HOXB9: variants seen among roughly 807,000 people sequenced by gnomAD.
The protein encoded by HOXB9 is homeobox protein Hox-B9.
A neutral mutation model predicts 21.5 loss-of-function variants in HOXB9; 10 were observed. That is an observed-to-expected ratio of 0.47 (90% CI 0.29 to 0.79). The LOEUF (loss-of-function observed/expected upper bound fraction) is 0.79. HOXB9 is among the 30% of genes least tolerant of loss of function. The pLI, the probability that HOXB9 is intolerant of heterozygous loss-of-function variation, is 0.10. For synonymous variants in HOXB9, 156 were observed against 151.2 expected (o/e 1.03, Z -0.23); for missense variants, 375 against 338.7 (o/e 1.11, Z -0.84).
chr17:48,625,983 C>G lies in HOXB9; in HGVS notation c.287G>C (p.Arg96Pro). ...GCGCGGCGCCGGCTCCAGCCAGGTG[C>G]GGAGGTACCTGCTCTCGGCCGGCGG... ...GVPPAESRYLRTWLEPAPRGE... is the reference protein window; with the variant it reads ...GVPPAESRYLPTWLEPAPRGE... The change falls in exon 1 of 2, where the codon CGC (arginine) becomes CCC (proline). Residue 96 changes from arginine to proline, a missense_variant. Physicochemically the swap from Arg to Pro is moderately radical, Grantham distance 103 (BLOSUM62 -2). Coordinates refer to ENST00000311177, the MANE Select transcript of HOXB9 (RefSeq NM_024017.5). 1.3e-6 allele frequency: 2 copies of G among 1,536,842 alleles called. No individual in the cohort carries two copies. Among genetic ancestry groups the G allele is most frequent in the Non-Finnish European group, 1.7e-6 (2 of 1,148,606 alleles).
intron 1 of HOXB9, among the ~76,000 whole-genome samples, chr17:48,624,008 A>G (rs1274070683): frequency 6.6e-6 from 1 of 152,228 alleles, no homozygotes; most frequent in Non-Finnish European, 1.5e-5. Flanking sequence ...AGCCCTTCAC[A>G]GCACACCTAG....
rs1451976479 is a variant in HOXB9, at chr17:48,626,002, C to T, written c.268G>A (p.Ala90Thr). 1 of 1,561,774 alleles carries T rather than the reference C, an allele frequency of 6.4e-7. No individual in the cohort carries two copies. The highest frequency in any genetic ancestry group is 8.6e-7 in the Non-Finnish European group (1 of 1,160,454). The change falls in exon 1 of 2, where the codon GCC becomes ACC. Residue 90 changes from alanine (A) to threonine (T), a missense_variant. Coordinates refer to ENST00000311177, the MANE Select transcript of HOXB9 (RefSeq NM_024017.5). ...CAGGTGCGGAGGTACCTGCTCTCGG[C>T]CGGCGGGACGCCCTGGGGCTGGATG... Reference protein sequence around the residue: ...PYIQPQGVPPAESRYLRTWLE... With the variant: ...PYIQPQGVPPTESRYLRTWLE...
Position 48,623,155 on chromosome 17 carries a change from A to C in HOXB9, c.518-20T>G, listed in dbSNP as rs760301798. On this transcript the variant is annotated intron_variant, in intron 1 of 1. Transcript: ENST00000311177. The stretch of plus-strand genomic sequence containing the variant: ...GGTTGGCTGAAAGAGAAGCAGCGAT[A>C]GAATCAAAGAAAGGAAGGGGGTGAA... The C allele has an allele frequency of 6.3e-7, 1 of 1,595,522 alleles. No individual in the cohort carries two copies. The highest frequency in any genetic ancestry group is 1.1e-5 in the South Asian group (1 of 89,560).
chr17:48,622,576 GGCT>G lies in HOXB9; in HGVS notation c.*321_*323del. 2 of 280,288 alleles carry G rather than the reference GGCT, an allele frequency of 7.1e-6. No homozygotes were observed. Among genetic ancestry groups the G allele is most frequent in the Non-Finnish European group, 1.4e-5 (2 of 146,894 alleles). The allele number at this position is 280,288 out of a possible 1,614,324, so 17.4% of individuals were successfully genotyped here. Reference sequence around the variant, plus strand: ...AGAAACAGGCAAGCTGGAAGTGAGGGGCTAGGACTTCCCAGAAAAATTACAGGG... The same window carrying G: ...AGAAACAGGCAAGCTGGAAGTGAGGGAGGACTTCCCAGAAAAATTACAGGG... On this transcript the variant is annotated 3_prime_UTR_variant, in exon 2 of 2. Coordinates refer to ENST00000311177, the MANE Select transcript of HOXB9 (RefSeq NM_024017.5).
chr17:48,625,378 T>A (rs2145011289), intron 1 of HOXB9, among the ~76,000 whole-genome samples: 1 of 152,240 alleles, frequency 6.6e-6, no homozygotes, highest in South Asian at 2.1e-4. Flanking sequence ...GCTCTCGGCC[T>A]CGCTGGCCGC....
At position 48,625,941 on chromosome 17, in the gene HOXB9, C is replaced by T. The variant is rs1259814693; in HGVS notation, c.329G>A (p.Gly110Glu). Residue 110 changes from glycine to glutamate, a missense_variant, in exon 1 of 2, where the codon GGG (glycine) becomes GAG (glutamate). Gly to Glu is a moderately conservative substitution (Grantham distance 98, BLOSUM62 -2). Coordinates refer to ENST00000311177, the MANE Select transcript of HOXB9 (RefSeq NM_024017.5). ...CGCCTTCACCGCCGCCTGGCCCTGC[C>T]CCGGGGCCGCTTCGCCGCGCGGCGC... ...EPAPRGEAAP[G>E]QGQAAVKAEP... is the part of the protein sequence containing the mutation. 1.3e-6 allele frequency: 2 copies of T among 1,518,084 alleles called. No individual in the cohort carries two copies. Among genetic ancestry groups the T allele is most frequent in the Non-Finnish European group, 1.7e-6 (2 of 1,143,196 alleles). The allele number at this position is 1,518,084 out of a possible 1,614,324, so 94.0% of individuals were successfully genotyped here. A position where few individuals can be genotyped will look rare whatever the true frequency, so the allele number is the denominator to read the frequency against.
chr17:48,626,041 C>G lies in HOXB9; in HGVS notation c.229G>C (p.Val77Leu). 1 of 1,578,326 alleles carries G rather than the reference C, an allele frequency of 6.3e-7. No homozygotes were observed. The highest frequency in any genetic ancestry group is 8.6e-7 in the Non-Finnish European group (1 of 1,169,452). The change falls in exon 1 of 2, where the codon GTC (valine) becomes CTC (leucine). Residue 77 changes from valine to leucine, a missense_variant. By Grantham distance (32) the Val-to-Leu change is conservative (BLOSUM62 1). Coordinates refer to ENST00000311177, the MANE Select transcript of HOXB9 (RefSeq NM_024017.5). ...TGGGGCTGGATGTAAGGGTGGTAGA[C>G]GGACGGCAGGCTCCCGGACGCGTGC... Reference protein sequence around the residue: ...SPHASGSLPSVYHPYIQPQGV... With the variant: ...SPHASGSLPSLYHPYIQPQGV...
At chr17:48,624,000 C>A (rs2070791937) in intron 1 of HOXB9, among the ~76,000 whole-genome samples, 1 of 152,170 alleles carries the variant, frequency 6.6e-6, no homozygotes, top group African/African-American at 2.4e-5. Context: ...TAAAAGGAAG[C>A]CCTTCACAGC....
At position 48,622,869 on chromosome 17, in the gene HOXB9, G is replaced by T; in HGVS notation, c.*31C>A. On this transcript the variant is annotated 3_prime_UTR_variant, in exon 2 of 2. Coordinates refer to ENST00000311177, the MANE Select transcript of HOXB9 (RefSeq NM_024017.5). ...ATAACTAAGAGTGAGATGGGGAAGA[G>T]CTAGGGAGGACTGGGGGTAATCTTT... The T allele has an allele frequency of 6.6e-7, 1 of 1,507,370 alleles. No homozygotes were observed. The highest frequency in any genetic ancestry group is 1.1e-5 in the South Asian group (1 of 88,318). 93.4% of individuals were successfully genotyped at this position (1,507,370 alleles called of 1,614,324 possible). A position where few individuals can be genotyped will look rare whatever the true frequency, so the allele number is the denominator to read the frequency against.
rs535508340 is a variant in HOXB9 at position 48,626,216 on chromosome 17, G to A, written c.54C>T (p.His18=). ...SSYYVDSIIS[H]ESEDAPPAKF... is the part of the protein sequence containing the mutation. ...TGGCTGGAGGCGCGTCCTCACTCTC[G>A]TGACTTATGATCGAGTCGACATAAT... is the stretch of plus-strand genomic sequence containing the variant. The change falls in exon 1 of 2, where the codon CAC becomes CAT. Residue 18 remains histidine (H), a synonymous_variant. Transcript: ENST00000311177. The A allele has an allele frequency of 1.3e-6, 2 of 1,599,090 alleles. No homozygotes were observed. Among genetic ancestry groups the A allele is most frequent in the Non-Finnish European group, 1.7e-6 (2 of 1,179,716 alleles).
chr17:48,626,257 C>T lies in HOXB9; in HGVS notation c.13G>A (p.Gly5Arg). The T allele has an allele frequency of 1.3e-6, 2 of 1,591,828 alleles. No homozygotes were observed. The highest frequency in any genetic ancestry group is 1.3e-5 in the African/African-American group (1 of 74,862). The change falls in exon 1 of 2, where the codon GGG becomes AGG. Residue 5 changes from glycine (G) to arginine (R), a missense_variant. By Grantham distance (125) the Gly-to-Arg change is moderately radical (BLOSUM62 -2). Coordinates refer to ENST00000311177, the MANE Select transcript of HOXB9 (RefSeq NM_024017.5). MSIS[G>R]TLSSYYVDSI... ...TCGACATAATAGCTGCTAAGCGTCC[C>T]AGAAATGGACATTCTCAGACATTAT...
Position 48,622,905 on chromosome 17 carries a change from C to T in HOXB9, c.748G>A (p.Glu250Lys), listed in dbSNP as rs372906875. The change falls in exon 2 of 2, where the codon GAG (glutamate) becomes AAG (lysine). Residue 250 changes from glutamate (E) to lysine (K), a missense_variant. Transcript: ENST00000311177. ...CTGGGGGTAATCTTTAATCTTTACT[C>T]TTTGCCCTGCTCCTTATTCATTTTC... ...MKKMNKEQGK[E>K] 5 of 1,612,122 alleles carry T rather than the reference C, an allele frequency of 3.1e-6. No individual in the cohort carries two copies. The highest frequency in any genetic ancestry group is 4.2e-6 in the Non-Finnish European group (5 of 1,178,334).
rs1467629850 is a variant in HOXB9, at chr17:48,625,878, T to C, written c.392A>G (p.Gln131Arg). 2 of 1,606,218 alleles carry C rather than the reference T, an allele frequency of 1.2e-6. No homozygotes were observed. Among genetic ancestry groups the C allele is most frequent in the Non-Finnish European group, 1.7e-6 (2 of 1,177,364 alleles). ...LLGAPGELLKQGTPEYSLETS... is the reference protein window; with the variant it reads ...LLGAPGELLKRGTPEYSLETS... ...TTCCAAACTGTACTCGGGCGTGCCC[T>C]GTTTGAGCAGCTCCCCAGGCGCGCC... Residue 131 changes from glutamine to arginine, a missense_variant, in exon 1 of 2, where the codon CAG (glutamine) becomes CGG (arginine). Transcript: ENST00000311177.
chr17:48,623,173 G>C (rs376773839), intron 1 of HOXB9, 38 bp from the exon 2 acceptor site: 4 of 1,536,022 alleles, frequency 2.6e-6, no homozygotes, highest in Middle Eastern at 1.7e-4. Flanking sequence ...AGAAAGGAAG[G>C]GGGTGAAGGG....
Position 48,621,356 on chromosome 17 carries a change from C to G in HOXB9, c.*1544G>C, listed in dbSNP as rs1207802329. The G allele has an allele frequency of 6.6e-6, 1 of 152,234 alleles. No homozygotes were observed. Among genetic ancestry groups the G allele is most frequent in the Non-Finnish European group, 1.5e-5 (1 of 67,978 alleles). The allele number at this position is 152,234 out of a possible 1,614,324, so 9.4% of individuals were successfully genotyped here. A position where few individuals can be genotyped will look rare whatever the true frequency, so the allele number is the denominator to read the frequency against. On this transcript the variant is annotated 3_prime_UTR_variant, in exon 2 of 2. Transcript: ENST00000311177. ...AATTTCACGACAGCCACCGACAAAG[C>G]AAAAAACTTCTACTGGAATGTCCCC...
Position 48,622,532 on chromosome 17 carries a change from T to C in HOXB9, c.*368A>G, listed in dbSNP as rs186208263. 5.2e-4 allele frequency: 118 copies of C among 226,018 alleles called. No individual in the cohort carries two copies. Among genetic ancestry groups the C allele is most frequent in the African/African-American group, 2.4e-3 (103 of 43,466 alleles). 14.0% of individuals were successfully genotyped at this position (226,018 alleles called of 1,614,324 possible). ...TAGAGTTGGAGTGTCCCTGGGTGAC[T>C]TTTGGGTGGGTGTAGAGAAGAAACA... On this transcript the variant is annotated 3_prime_UTR_variant, in exon 2 of 2. Coordinates refer to ENST00000311177, the MANE Select transcript of HOXB9 (RefSeq NM_024017.5).
intron 1 of HOXB9, among the ~76,000 whole-genome samples, chr17:48,625,086 G>T (rs1417620242): frequency 1.3e-5 from 2 of 152,252 alleles, no homozygotes; most frequent in African/African-American, 4.8e-5. Context: ...CCACCGGAGG[G>T]AAGGCTCCCG....
chr17:48,625,270 C>A (rs1597896503), intron 1 of HOXB9, among the ~76,000 whole-genome samples: 1 of 152,268 alleles, frequency 6.6e-6, no homozygotes, highest in Non-Finnish European at 1.5e-5. Context: ...CCTCCCCCTT[C>A]CCCTTGGCCG....
intron 1 of HOXB9, among the ~76,000 whole-genome samples, chr17:48,624,008 AG>A (rs1218209479): frequency 2.0e-5 from 3 of 152,228 alleles, no homozygotes; most frequent in Non-Finnish European, 2.9e-5. Flanking sequence ...AGCCCTTCAC[AG>A]CACACCTAGC....
Sources: gnomAD v4.1 joint callset for allele counts (sites outside exome capture counted in the v4.1 genomes callset) on GRCh38, gnomAD v4.1.1 for gene constraint, MANE v1.5 for transcripts, NCBI Gene and HGNC (gene_info 2026-07-23, HGNC 2026-07-21) for gene names.